Variants in LCLAT1 observed in about 807,000 individuals in gnomAD.
LCLAT1 encodes the protein lysocardiolipin acyltransferase 1.
In LCLAT1, 11 loss-of-function variants were observed where a neutral mutation model predicts 30.7. That is an observed-to-expected ratio of 0.36 (90% CI 0.23 to 0.59). The LOEUF (loss-of-function observed/expected upper bound fraction) is 0.59. Among genes scored for constraint, LCLAT1 ranks in the 20% least tolerant of loss-of-function variants. The pLI is 0.77. For missense variants in LCLAT1, 402 were observed against 458.6 expected (o/e 0.88, Z 1.13); for synonymous variants, 155 against 151.3 (o/e 1.02, Z -0.18).
intron 5 of LCLAT1, among the ~76,000 whole-genome samples, chr2:30,587,103 C>T (rs1197255715): frequency 6.6e-6 from 1 of 152,238 alleles, no homozygotes; most frequent in East Asian, 1.9e-4. Context: ...TCCTTTCTTG[C>T]TCTGTCACTA....
intron 1 of LCLAT1, among the ~76,000 whole-genome samples, chr2:30,515,457 C>T (rs1343518999): frequency 6.6e-6 from 1 of 152,108 alleles, no homozygotes; most frequent in Non-Finnish European, 1.5e-5. Context: ...TAATGGAGTC[C>T]ATTAATCTTT....
At chr2:30,621,366 T>G (rs1026664971) in intron 5 of LCLAT1, among the ~76,000 whole-genome samples, 14 of 152,094 alleles carry the variant, frequency 9.2e-5, no homozygotes, top group African/African-American at 3.4e-4. Flanking sequence ...GGAAATTAGC[T>G]TATAAAAATG....
At chr2:30,577,407 A>G (rs1267275553) in intron 5 of LCLAT1, among the ~76,000 whole-genome samples, 1 of 152,116 alleles carries the variant, frequency 6.6e-6, no homozygotes, top group Non-Finnish European at 1.5e-5. Context: ...CACATGGGGT[A>G]AATTCCAAGG....
chr2:30,640,605 A>G lies in LCLAT1; in HGVS notation c.1117A>G (p.Lys373Glu), dbSNP rs750597287. 11 of 1,602,036 alleles carry G rather than the reference A, an allele frequency of 6.9e-6. No individual in the cohort carries two copies. Among genetic ancestry groups the G allele is most frequent in the Admixed American group, 1.7e-5 (1 of 57,876 alleles). ...LLHKQPHLNS[K>E]KNE ...ACACAAACAGCCACATTTAAATTCA[A>G]AGAAAAATGAGTAAGATTATAAGGT... Residue 373 changes from lysine (K) to glutamate (E), a missense_variant, in exon 6 of 6, where the codon AAG becomes GAG. Lys to Glu is a moderately conservative substitution (Grantham distance 56, BLOSUM62 1). Coordinates refer to ENST00000379509, the MANE Select transcript of LCLAT1 (RefSeq NM_001002257.3).
intron 3 of LCLAT1, among the ~76,000 whole-genome samples, chr2:30,558,597 CAAAAAAAAAAAA>C (rs36075365): frequency 6.0e-5 from 5 of 83,274 alleles, no homozygotes; most frequent in African/African-American, 2.2e-4. Flanking sequence ...GACTTTGTCT[CAAAAAAAAAAAA>C]AAAAAAAAAG....
At chr2:30,591,129 G>A (rs1279354393) in intron 5 of LCLAT1, among the ~76,000 whole-genome samples, 1 of 151,734 alleles carries the variant, frequency 6.6e-6, no homozygotes, top group Non-Finnish European at 1.5e-5. Flanking sequence ...TGTGACTTTT[G>A]CAGTTTAGGG....
intron 1 of LCLAT1, among the ~76,000 whole-genome samples, chr2:30,522,803 T>G (rs571940936): frequency 1.3e-5 from 2 of 152,296 alleles, no homozygotes; most frequent in East Asian, 3.9e-4. Flanking sequence ...CAGGGCTAAT[T>G]TCTGGCCCCT....
Position 30,566,336 on chromosome 2 carries a change from G to T in LCLAT1, c.512-1724G>T, listed in dbSNP as rs199805521. ...CTACTCATCTTTGTGGTGTCTATGG[G>T]ATTCCTAATCCCATTTAAGGTCCTG... On this transcript the variant is annotated intron_variant, in intron 4 of 5. Coordinates refer to ENST00000379509, the MANE Select transcript of LCLAT1 (RefSeq NM_001002257.3). Among the ~76,000 whole-genome samples the T allele has an allele frequency of 2.6e-5, 4 of 152,180 alleles. No individual in the cohort carries two copies. In the East Asian group the frequency reaches 7.7e-4, roughly 29 times the overall value.
At chr2:30,598,521 A>G (rs759020077) in intron 5 of LCLAT1, among the ~76,000 whole-genome samples, 19 of 148,412 alleles carry the variant, frequency 1.3e-4, no homozygotes, top group Admixed American at 6.7e-5. Context: ...TATTGCGTCT[A>G]TTTGATTCTT....
intron 5 of LCLAT1, among the ~76,000 whole-genome samples, chr2:30,599,554 T>C (rs573328195): frequency 1.3e-5 from 2 of 152,272 alleles, no homozygotes; most frequent in South Asian, 2.1e-4. Flanking sequence ...CTGTCAGGGG[T>C]GTTAAAGTCT....
intron 1 of LCLAT1, among the ~76,000 whole-genome samples, chr2:30,512,332 TTTCCTTA>T (rs1427091238): frequency 6.6e-6 from 1 of 152,164 alleles, no homozygotes; most frequent in Non-Finnish European, 1.5e-5. Flanking sequence ...AACTCCTCAT[TTTCCTTA>T]TGTTGATATT....
intron 5 of LCLAT1, among the ~76,000 whole-genome samples, chr2:30,578,333 T>A (rs1293583302): frequency 1.3e-5 from 2 of 152,132 alleles, no homozygotes; most frequent in Non-Finnish European, 2.9e-5. Context: ...TAGGAGAAGA[T>A]AATAAGTGAA....
chr2:30,636,682 A>G (rs2609943), intron 5 of LCLAT1, among the ~76,000 whole-genome samples: 133,480 of 152,160 alleles, frequency 0.88, 58,964 homozygotes, highest in African/African-American at 0.97. Context: ...ACAGACACAC[A>G]TGGTACACAC....
intron 1 of LCLAT1, among the ~76,000 whole-genome samples, chr2:30,508,662 A>ATATAG (rs939826621): frequency 2.6e-5 from 4 of 151,966 alleles, no homozygotes; most frequent in African/African-American, 9.7e-5. Flanking sequence ...TAGCCCTGTA[A>ATATAG]TATAGTTTTA....
chr2:30,606,190 A>G (rs1463391461), intron 5 of LCLAT1: 6 of 346,670 alleles, frequency 1.7e-5, no homozygotes, highest in South Asian at 9.6e-5. Flanking sequence ...ATTCAATGCT[A>G]TTCCCATTAA....
At chr2:30,504,065 A>G (rs1313586700) in intron 1 of LCLAT1, among the ~76,000 whole-genome samples, 1 of 148,756 alleles carries the variant, frequency 6.7e-6, no homozygotes, top group African/African-American at 2.5e-5. Context: ...AACTTTCTTC[A>G]TGCTTAAGGG....
At chr2:30,568,295 A>G (rs925461528) in intron 5 of LCLAT1, 119 bp downstream of exon 5, 14 of 542,296 alleles carry the variant, frequency 2.6e-5, no homozygotes, top group Non-Finnish European at 4.6e-5. Flanking sequence ...GAAATGAGAT[A>G]TTGTATTTTT....
intron 5 of LCLAT1, among the ~76,000 whole-genome samples, chr2:30,583,432 G>A (rs1666291481): frequency 6.6e-6 from 1 of 152,148 alleles, no homozygotes; most frequent in South Asian, 2.1e-4. Context: ...CTTACCCAAG[G>A]CCTAAAAAGC....
At chr2:30,616,239 A>T (rs563561537) in intron 5 of LCLAT1, among the ~76,000 whole-genome samples, 1 of 152,126 alleles carries the variant, frequency 6.6e-6, no homozygotes, top group Non-Finnish European at 1.5e-5. Context: ...GTTGAAATGG[A>T]TGTTTAAACC....
Sources: gnomAD v4.1 joint callset for allele counts (sites outside exome capture counted in the v4.1 genomes callset) on GRCh38, gnomAD v4.1.1 for gene constraint, MANE v1.5 for transcripts, NCBI Gene and HGNC (gene_info 2026-07-23, HGNC 2026-07-21) for gene names.